The following CPA4 variants were observed in gnomAD, a reference collection of about 807,000 sequenced individuals.
CPA4 encodes the protein carboxypeptidase A4, also known as carboxypeptidase A3.
Under a neutral mutation model 54.7 loss-of-function variants are expected in CPA4, and 49 were observed. The ratio of observed to expected loss-of-function variants is 0.90; its 90% CI spans 0.71 to 1.14. The LOEUF is 1.14. CPA4 is among the 50% of genes most tolerant of loss of function. CPA4 has a pLI of 0.00. For missense variants in CPA4, 487 were observed against 525.1 expected (o/e 0.93, Z 0.71); for synonymous variants, 215 against 206.8 (o/e 1.04, Z -0.34).
intron 10 of CPA4, among the ~76,000 whole-genome samples, chr7:130,319,371 A>G (rs1443723034): frequency 6.6e-6 from 1 of 152,162 alleles, no homozygotes; most frequent in East Asian, 1.9e-4. Context: ...TTGGTGCGTT[A>G]CCCATCAGAC....
At position 130,306,836 on chromosome 7, in the gene CPA4, A is replaced by G; in HGVS notation, c.641A>G (p.Lys214Arg). 6.2e-7 allele frequency: 1 copy of G among 1,612,464 alleles called. No individual in the cohort carries two copies. Among genetic ancestry groups the G allele is most frequent in the Admixed American group, 1.7e-5 (1 of 60,016 alleles). ...CCAGCTATCACCTCCATCTTGGAGA[A>G]AATGGATATTTTCTTGTTGCCTGTG... Reference protein sequence around the residue: ...RDPAITSILEKMDIFLLPVAN... With the variant: ...RDPAITSILERMDIFLLPVAN... The change falls in exon 7 of 11, where the codon AAA becomes AGA. Residue 214 changes from lysine to arginine, a missense_variant. Lys to Arg is a conservative substitution (Grantham distance 26, BLOSUM62 2). Coordinates refer to ENST00000222482, the MANE Select transcript of CPA4 (RefSeq NM_016352.4).
Position 130,311,961 on chromosome 7 carries a change from A to G in CPA4, c.994-77A>G, listed in dbSNP as rs566259803. The G allele has an allele frequency of 1.9e-4, 210 of 1,084,160 alleles. No individual in the cohort carries two copies. The African/African-American group carries it at 2.9e-3, about 15-fold the overall frequency. 67.2% of individuals were successfully genotyped at this position (1,084,160 alleles called of 1,614,324 possible). ...GGGGGGGCTGAGAATCTTCCAAACC[A>G]TCCCAGAGCAGAGCAGCTGAGGAAG... is the stretch of plus-strand genomic sequence containing the variant. On this transcript the variant is annotated intron_variant, in intron 9 of 10. Coordinates refer to ENST00000222482, the MANE Select transcript of CPA4 (RefSeq NM_016352.4).
intron 10 of CPA4, among the ~76,000 whole-genome samples, chr7:130,321,481 T>G (rs144061310): frequency 9.2e-5 from 14 of 152,362 alleles, no homozygotes; most frequent in Non-Finnish European, 2.1e-4. Flanking sequence ...CTCAGGATCC[T>G]TCATGAGGCT....
chr7:130,312,154 A>G, intron 10 of CPA4, 32 bp downstream of exon 10: 3 of 1,519,930 alleles, frequency 2.0e-6, no homozygotes, highest in Non-Finnish European at 2.7e-6. Flanking sequence ...AGTTATTTAG[A>G]AAGCACTTTG....
chr7:130,305,141 C>G (rs1793799720), intron 5 of CPA4, among the ~76,000 whole-genome samples: 1 of 152,202 alleles, frequency 6.6e-6, no homozygotes, highest in Non-Finnish European at 1.5e-5. Context: ...GGGCGTATAA[C>G]CCATGGAACA....
At chr7:130,293,324 A>G in intron 1 of CPA4, 76 bp downstream of exon 1, 6 of 858,556 alleles carry the variant, frequency 7.0e-6, no homozygotes, top group South Asian at 6.7e-5. Context: ...TGAATGGCTG[A>G]TAATAGCTCA....
chr7:130,301,127 C>T (rs570753450), intron 4 of CPA4, among the ~76,000 whole-genome samples: 294 of 152,294 alleles, frequency 1.9e-3, no homozygotes, highest in Non-Finnish European at 3.6e-3. Context: ...TATTTCCTCC[C>T]TCAACCATCC....
chr7:130,319,200 C>T (rs1256471833), intron 10 of CPA4, among the ~76,000 whole-genome samples: 2 of 152,196 alleles, frequency 1.3e-5, no homozygotes, highest in Non-Finnish European at 2.9e-5. Context: ...TTCCCCTCCT[C>T]TTCACTGATT....
At chr7:130,311,077 TC>T in intron 9 of CPA4, 91 bp downstream of exon 9, 1 of 996,222 alleles carries the variant, frequency 1.0e-6, no homozygotes, top group Non-Finnish European at 1.6e-6. Context: ...ATAGGGAGGG[TC>T]CAGGAGCCTA....
chr7:130,299,530 C>A, intron 3 of CPA4, 126 bp downstream of exon 3: 4 of 835,342 alleles, frequency 4.8e-6, no homozygotes, highest in Non-Finnish European at 5.6e-6. Context: ...GAAATGGAGG[C>A]AAATGGAAGT....
chr7:130,304,563 C>T lies in CPA4; in HGVS notation c.470C>T (p.Pro157Leu), dbSNP rs776839346. 3.7e-5 allele frequency: 60 copies of T among 1,610,150 alleles called. No homozygotes were observed. Among genetic ancestry groups the T allele is most frequent in the East Asian group, 1.1e-4 (5 of 44,878 alleles). The change falls in exon 5 of 11, where the codon CCG (proline) becomes CTG (leucine). Residue 157 changes from proline (P) to leucine (L), a missense_variant. Coordinates refer to ENST00000222482, the MANE Select transcript of CPA4 (RefSeq NM_016352.4). ...VKIGHSFENR[P>L]MYVLKFSTGK... ...ATTGGACATTCGTTTGAAAACCGGC[C>T]GATGTATGTACTGAAGGTGAGGCCA...
chr7:130,313,101 C>CT lies in CPA4; in HGVS notation c.1078+984dup, dbSNP rs1378022072. Among the ~76,000 whole-genome samples the CT allele has an allele frequency of 2.6e-5, 4 of 152,114 alleles. No homozygotes were observed. In the East Asian group the frequency reaches 7.7e-4, roughly 29 times the overall value. On this transcript the variant is annotated intron_variant, in intron 10 of 10. Coordinates refer to ENST00000222482, the MANE Select transcript of CPA4 (RefSeq NM_016352.4). The stretch of plus-strand genomic sequence containing the variant: ...ATAAAAGGATGAAGGGCAGCATGTT[C>CT]TTTTTGGCTACTTCCTTCTTAGGAG...
chr7:130,297,343 G>A (rs933408899), intron 1 of CPA4, among the ~76,000 whole-genome samples: 6 of 152,106 alleles, frequency 3.9e-5, no homozygotes, highest in Admixed American at 1.3e-4. Context: ...TTCCCAGGGC[G>A]GTAGGTCCAA....
In CPA4 at chr7:130,300,886, A is replaced by C; in HGVS notation, c.356A>C (p.Asn119Thr). Residue 119 changes from asparagine (N) to threonine (T), a missense_variant, in exon 4 of 11, where the codon AAC becomes ACC. By Grantham distance (65) the Asn-to-Thr change is moderately conservative (BLOSUM62 0). Coordinates refer to ENST00000222482, the MANE Select transcript of CPA4 (RefSeq NM_016352.4). ...EGQERSSNNFNYGAYHSLEAI... is the reference protein window; with the variant it reads ...EGQERSSNNFTYGAYHSLEAI... ...CAAGAACGGAGCAGTAATAACTTCAACTACGGGGCTTACCATTCCCTGGAA... is the reference window on the plus strand; with the variant it reads ...CAAGAACGGAGCAGTAATAACTTCACCTACGGGGCTTACCATTCCCTGGAA... The C allele has an allele frequency of 6.2e-7, 1 of 1,613,184 alleles. No individual in the cohort carries two copies.
chr7:130,298,760 G>C lies in CPA4; in HGVS notation c.83G>C (p.Arg28Thr). The change falls in exon 2 of 11, where the codon AGG (arginine) becomes ACG (threonine). Residue 28 changes from arginine to threonine, a missense_variant. Arg to Thr is a moderately conservative substitution (Grantham distance 71). Coordinates refer to ENST00000222482, the MANE Select transcript of CPA4 (RefSeq NM_016352.4). Reference protein sequence around the residue: ...QEKFFGDQVLRINVRNGDEIS... With the variant: ...QEKFFGDQVLTINVRNGDEIS... ...TTCTTCCCCAGGGACCAAGTTTTGA[G>C]GATTAATGTCAGAAATGGAGACGAG... is the stretch of plus-strand genomic sequence containing the variant. 1 of 1,609,072 alleles carries C rather than the reference G, an allele frequency of 6.2e-7. No individual in the cohort carries two copies. Among genetic ancestry groups the C allele is most frequent in the Non-Finnish European group, 8.5e-7 (1 of 1,175,618 alleles).
At chr7:130,307,846 T>C (rs1793849234) in intron 7 of CPA4, among the ~76,000 whole-genome samples, 1 of 152,162 alleles carries the variant, frequency 6.6e-6, no homozygotes, top group South Asian at 2.1e-4. Flanking sequence ...GATGGCTTCT[T>C]TGTTATGCCA....
Position 130,312,026 on chromosome 7 carries a change from C to A in CPA4, c.994-12C>A, listed in dbSNP as rs538098001. On this transcript the variant is annotated splice_polypyrimidine_tract_variant and intron_variant, in intron 9 of 10. Coordinates refer to ENST00000222482, the MANE Select transcript of CPA4 (RefSeq NM_016352.4). ...TCGATTTTTTCTCACTCCACGGATT[C>A]CCCCTTCCCAGGACAAGGTGGCGAG... is the stretch of plus-strand genomic sequence containing the variant. The A allele has an allele frequency of 2.5e-6, 4 of 1,610,646 alleles. No homozygotes were observed. In the East Asian group the frequency reaches 8.9e-5, roughly 36 times the overall value.
intron 7 of CPA4, chr7:130,308,005 C>A: frequency 2.5e-6 from 1 of 392,382 alleles, no homozygotes; most frequent in South Asian, 3.2e-5. Flanking sequence ...ATATAGTGTC[C>A]ATTTGCCCAC....
intron 10 of CPA4, among the ~76,000 whole-genome samples, chr7:130,315,959 C>T (rs575485484): frequency 9.7e-4 from 147 of 152,030 alleles, no homozygotes; most frequent in Non-Finnish European, 1.8e-3. Context: ...CTCATAAAAG[C>T]GTTGTTTTTT....
Sources: allele counts gnomAD v4.1 joint callset (sites outside exome capture counted in the v4.1 genomes callset), GRCh38; gene constraint gnomAD v4.1.1; transcripts MANE v1.5; gene names NCBI Gene and HGNC (gene_info 2026-07-23, HGNC 2026-07-21).